The following CSMD1 variants were observed in gnomAD, a reference collection of about 807,000 sequenced individuals.
CSMD1 encodes CUB and Sushi multiple domains 1, also known as CUB and sushi domain-containing protein 1.
CSMD1 carries 213 observed loss-of-function variants against 417.5 expected under a neutral mutation model. The observed-to-expected ratio is 0.51, with a 90% CI of 0.46 to 0.57. The LOEUF is 0.57. Among genes scored for constraint, CSMD1 ranks in the 20% least tolerant of loss-of-function variants. CSMD1 has a pLI of 0.00. For synonymous variants in CSMD1, 2,862 were observed against 1,736.8 expected (o/e 1.65, Z -16.11); for missense variants, 6,923 against 4,529.7 (o/e 1.53, Z -15.17).
chr8:4,775,690 A>C (rs1376484093), intron 1 of CSMD1, among the ~76,000 whole-genome samples: 2 of 152,210 alleles, frequency 1.3e-5, no homozygotes, highest in African/African-American at 2.4e-5. Flanking sequence ...CTGCTGGACC[A>C]AGGCAGCGTC....
At chr8:3,497,189 C>T (rs1365289059) in intron 10 of CSMD1, among the ~76,000 whole-genome samples, 4 of 152,086 alleles carry the variant, frequency 2.6e-5, no homozygotes. Context: ...TTAAGTTTAA[C>T]ACTTCTTTAT....
At chr8:4,198,080 G>C (rs6992177) in intron 3 of CSMD1, among the ~76,000 whole-genome samples, 16,018 of 152,260 alleles carry the variant, frequency 0.11, 1,218 homozygotes, top group African/African-American at 0.2. Flanking sequence ...GCAAAGCGAG[G>C]GAAGTCTGGG....
intron 6 of CSMD1, among the ~76,000 whole-genome samples, chr8:3,714,729 C>T (rs1366946682): frequency 6.6e-6 from 1 of 151,818 alleles, no homozygotes; most frequent in East Asian, 1.9e-4. Flanking sequence ...ACAGTGAGAC[C>T]CTTTAGTTTC....
Position 3,315,763 on chromosome 8 carries a change from C to G in CSMD1, c.3632-7260G>C, listed in dbSNP as rs1486687751. Among the ~76,000 whole-genome samples the G allele has an allele frequency of 5.9e-5, 9 of 152,210 alleles. No homozygotes were observed. In the East Asian group the frequency reaches 9.6e-4, roughly 16 times the overall value. On this transcript the variant is annotated intron_variant, in intron 23 of 69. Coordinates refer to ENST00000635120, the MANE Select transcript of CSMD1 (RefSeq NM_033225.6). ...AATGTCCAGAATGAAAATCAGATAG[C>G]CAAATTATCTATTTTTTGGAACTGT...
At chr8:4,661,532 C>A (rs1430810807) in intron 1 of CSMD1, among the ~76,000 whole-genome samples, 1 of 152,096 alleles carries the variant, frequency 6.6e-6, no homozygotes, top group Non-Finnish European at 1.5e-5. Context: ...AGAATAGGAT[C>A]TTTGTAGTGA....
chr8:3,502,964 T>C (rs576656903), intron 10 of CSMD1, among the ~76,000 whole-genome samples: 40 of 152,182 alleles, frequency 2.6e-4, no homozygotes, highest in Non-Finnish European at 5.0e-4. Context: ...TGAGGATGCT[T>C]ACAGTGGGGA....
rs530331705 is a variant in CSMD1 at position 3,435,396 on chromosome 8, A to T, written c.1562-25791T>A. ...ACCCAGTCCCGCCACCTCTCTGGAG[A>T]CCTCATAGAAATGCCTGAAACATCA... is the stretch of plus-strand genomic sequence containing the variant. On this transcript the variant is annotated intron_variant, in intron 12 of 69. Coordinates refer to ENST00000635120, the MANE Select transcript of CSMD1 (RefSeq NM_033225.6). 2.6e-5 allele frequency among the ~76,000 whole-genome samples: 4 copies of T among 152,102 alleles called. No homozygotes were observed. The South Asian group carries it at 8.3e-4, about 32-fold the overall frequency.
intron 9 of CSMD1, among the ~76,000 whole-genome samples, chr8:3,578,635 T>C (rs1800252513): frequency 6.6e-6 from 1 of 152,170 alleles, no homozygotes; most frequent in Non-Finnish European, 1.5e-5. Flanking sequence ...GTTTATCACC[T>C]GCCTCTCTCT....
chr8:3,961,282 A>G (rs148138559), intron 5 of CSMD1, among the ~76,000 whole-genome samples: 1 of 152,188 alleles, frequency 6.6e-6, no homozygotes, highest in Non-Finnish European at 1.5e-5. Flanking sequence ...AAAGTTATAT[A>G]AGCATAAAAG....
At chr8:3,176,969 G>A (rs940300066) in intron 37 of CSMD1, among the ~76,000 whole-genome samples, 1 of 151,732 alleles carries the variant, frequency 6.6e-6, no homozygotes, top group African/African-American at 2.4e-5. Context: ...ATAGAGATGA[G>A]GTTTTGCCAT....
intron 5 of CSMD1, among the ~76,000 whole-genome samples, chr8:3,944,898 C>T (rs1315151213): frequency 6.6e-6 from 1 of 152,106 alleles, no homozygotes; most frequent in African/African-American, 2.4e-5. Context: ...TAATTCATCC[C>T]CACAATCAGT....
At chr8:3,104,710 CT>C (rs34005345) in intron 46 of CSMD1, among the ~76,000 whole-genome samples, 20,571 of 134,710 alleles carry the variant, frequency 0.15, 1,353 homozygotes, top group Non-Finnish European at 0.17. Flanking sequence ...TTTTTCTTTT[CT>C]TTTTTTTTTT....
intron 3 of CSMD1, among the ~76,000 whole-genome samples, chr8:4,388,321 G>GACACACACACACACAC (rs71205453): frequency 1.0e-5 from 1 of 95,554 alleles, no homozygotes; most frequent in Non-Finnish European, 2.2e-5. Context: ...CACACACACA[G>GACACACACACACACAC]ACACACACAC....
intron 28 of CSMD1, among the ~76,000 whole-genome samples, chr8:3,222,412 C>T (rs1798270474): frequency 6.6e-6 from 1 of 151,996 alleles, no homozygotes; most frequent in Non-Finnish European, 1.5e-5. Context: ...TGGGCTCCAA[C>T]AGTCCTCCTG....
At position 3,268,433 on chromosome 8, in the gene CSMD1, T is replaced by C. The variant is rs368997566; in HGVS notation, c.4153+15711A>G. Among the ~76,000 whole-genome samples, 16 of 151,556 alleles carry C rather than the reference T, an allele frequency of 1.1e-4. No individual in the cohort carries two copies. In the East Asian group the frequency reaches 2.7e-3, roughly 26 times the overall value. ...CCTCCCGAGTAACTGGGACTACAGG[T>C]GCCCGCCACCACGCCCAGCTGATTT... On this transcript the variant is annotated intron_variant, in intron 26 of 69. Coordinates refer to ENST00000635120, the MANE Select transcript of CSMD1 (RefSeq NM_033225.6).
chr8:4,178,875 G>A (rs938206677), intron 3 of CSMD1, among the ~76,000 whole-genome samples: 9 of 152,196 alleles, frequency 5.9e-5, no homozygotes, highest in African/African-American at 2.2e-4. Flanking sequence ...TACAAGGGAT[G>A]AGAAGGACCT....
intron 55 of CSMD1, 61 bp downstream of exon 55, chr8:2,978,551 T>C: frequency 7.6e-7 from 1 of 1,322,834 alleles, no homozygotes. Flanking sequence ...TTACGGAATT[T>C]TCTGCTGATG....
chr8:4,024,157 G>T (rs938586047), intron 4 of CSMD1, among the ~76,000 whole-genome samples: 1 of 151,986 alleles, frequency 6.6e-6, no homozygotes, highest in Non-Finnish European at 1.5e-5. Context: ...ACAGCATAAA[G>T]AATCAGTTGT....
intron 3 of CSMD1, among the ~76,000 whole-genome samples, chr8:4,395,419 T>TAAA (rs139105329): frequency 0.029 from 4,399 of 151,522 alleles, 195 homozygotes; most frequent in African/African-American, 0.1. Flanking sequence ...TAAAGAATCA[T>TAAA]AAAAAAAACA....
Sources: gnomAD v4.1 joint callset for allele counts (sites outside exome capture counted in the v4.1 genomes callset) on GRCh38, gnomAD v4.1.1 for gene constraint, MANE v1.5 for transcripts, NCBI Gene and HGNC (gene_info 2026-07-23, HGNC 2026-07-21) for gene names.